AMOTL1: variants seen among roughly 807,000 people sequenced by gnomAD.
The protein encoded by AMOTL1 is angiomotin-like protein 1.
In AMOTL1, 45 loss-of-function variants were observed where a neutral mutation model predicts 102.9. The observed-to-expected ratio is 0.44, with a 90% confidence interval of 0.34 to 0.56. The LOEUF is 0.56. Among genes scored for constraint, AMOTL1 ranks in the 20% least tolerant of loss-of-function variants. The pLI, the probability that AMOTL1 is intolerant of heterozygous loss-of-function variation, is 0.01. For synonymous variants in AMOTL1, 481 were observed against 484.7 expected, an observed-to-expected ratio of 0.99 and a Z score of 0.10; for missense variants, 1,114 against 1,225.6, an observed-to-expected ratio of 0.91 and a Z score of 1.36.
intron 6 of AMOTL1, among the ~76,000 whole-genome samples, chr11:94,840,675 T>TACAC (rs1361728387): frequency 3.1e-5 from 4 of 128,200 alleles, no homozygotes; most frequent in Admixed American, 1.8e-4. Flanking sequence ...TATATATATA[T>TACAC]ATATATACAC....
intron 9 of AMOTL1, among the ~76,000 whole-genome samples, chr11:94,861,289 C>G (rs1223772290): frequency 1.3e-5 from 2 of 152,188 alleles, no homozygotes; most frequent in East Asian, 1.9e-4. Flanking sequence ...CACAGGGAAG[C>G]CTTTTGAAAC....
At chr11:94,859,146 G>A (rs1390979902) in intron 8 of AMOTL1, among the ~76,000 whole-genome samples, 1 of 152,146 alleles carries the variant, frequency 6.6e-6, no homozygotes, top group Non-Finnish European at 1.5e-5. Context: ...AGACCAGGAG[G>A]CCAAGACTTA....
At chr11:94,844,611 C>A (rs909933658) in intron 6 of AMOTL1, among the ~76,000 whole-genome samples, 1 of 152,188 alleles carries the variant, frequency 6.6e-6, no homozygotes, top group African/African-American at 2.4e-5. Flanking sequence ...AGAAGTGATC[C>A]CATGAGACAG....
At chr11:94,771,042 T>A (rs1274929427) in intron 1 of AMOTL1, among the ~76,000 whole-genome samples, 1 of 152,142 alleles carries the variant, frequency 6.6e-6, no homozygotes, top group Non-Finnish European at 1.5e-5. Flanking sequence ...CATTTCTTCA[T>A]AGTAATTTGT....
rs769262295 is a variant in AMOTL1 at position 94,799,700 on chromosome 11, G to A, written c.510G>A (p.Thr170=). The change falls in exon 3 of 13, where the codon ACG becomes ACA. Residue 170 remains threonine, a synonymous_variant. Coordinates refer to ENST00000433060, the MANE Select transcript of AMOTL1 (RefSeq NM_130847.3). This position sits in a 1 kb window ranked among gnomAD's most constrained non-coding sequence, Gnocchi z 4.5. ...GTCAAGAACACCAGGTGGACAATAC[G>A]GTGATGGAGAAACAGGTCCGGTCCA... ...PQGQEHQVDN[T]VMEKQVRSTQ... 3.5e-5 allele frequency: 57 copies of A among 1,613,798 alleles called. No individual in the cohort carries two copies. Among genetic ancestry groups the A allele is most frequent in the East Asian group, 4.5e-5 (2 of 44,890 alleles).
At chr11:94,774,465 A>T (rs887946074) in intron 1 of AMOTL1, among the ~76,000 whole-genome samples, 1 of 152,192 alleles carries the variant, frequency 6.6e-6, no homozygotes, top group Non-Finnish European at 1.5e-5. Flanking sequence ...GGCTGATGTC[A>T]CCAGGCCGTG....
At chr11:94,796,908 A>ATATTAATACATCTATATGTG in intron 2 of AMOTL1, 7 of 637,228 alleles carry the variant, frequency 1.1e-5, no homozygotes, top group Non-Finnish European at 1.4e-5. Flanking sequence ...ACATATATGT[A>ATATTAATACATCTATATGTG]TATATCTTGT....
rs981361845 is a variant in AMOTL1, at chr11:94,830,180, A to C, written c.1544A>C (p.Asn515Thr). The C allele has an allele frequency of 6.2e-7, 1 of 1,606,274 alleles. No homozygotes were observed. Among genetic ancestry groups the C allele is most frequent in the South Asian group, 1.1e-5 (1 of 88,712 alleles). The change falls in exon 5 of 13, where the codon AAC (asparagine) becomes ACC (threonine). Residue 515 changes from asparagine (N) to threonine (T), a missense_variant. Physicochemically the swap from Asn to Thr is moderately conservative, Grantham distance 65. Transcript: ENST00000433060. The part of the protein sequence containing the change: ...EGEIRRLHDF[N>T]RDLRDRLETA... ...GAGATTAGAAGACTTCATGATTTCA[A>C]CAGAGACCTCCGAGGCAGGTTTATT...
chr11:94,849,201 T>C (rs903858613), intron 6 of AMOTL1, among the ~76,000 whole-genome samples: 1 of 152,236 alleles, frequency 6.6e-6, no homozygotes, highest in African/African-American at 2.4e-5. Flanking sequence ...TATTTAATTT[T>C]AATGGATGCA....
intron 6 of AMOTL1, among the ~76,000 whole-genome samples, chr11:94,834,451 A>G (rs1364375782): frequency 1.3e-5 from 2 of 152,058 alleles, no homozygotes; most frequent in East Asian, 3.9e-4. Flanking sequence ...GCTGGGCGTG[A>G]TGGTGGGCGC....
chr11:94,799,283 T>C lies in AMOTL1; in HGVS notation c.200-107T>C, dbSNP rs763908959. 31 of 973,162 alleles carry C rather than the reference T, an allele frequency of 3.2e-5. No homozygotes were observed. Among genetic ancestry groups the C allele is most frequent in the Non-Finnish European group, 4.5e-5 (30 of 673,492 alleles). 60.3% of individuals were successfully genotyped at this position (973,162 alleles called of 1,614,324 possible). ...AGGTGATGATGCATTTGAAATCTTA[T>C]TTTTAAATGTTGCTGTAGTTAGAAT... On this transcript the variant is annotated intron_variant, in intron 2 of 12. Transcript: ENST00000433060. The surrounding 1 kb of genome is among the most constrained non-coding windows in gnomAD (Gnocchi z 4.5).
intron 4 of AMOTL1, among the ~76,000 whole-genome samples, chr11:94,823,712 A>C (rs1951911877): frequency 6.8e-6 from 1 of 148,080 alleles, no homozygotes; most frequent in Non-Finnish European, 1.5e-5. Context: ...CTTTTTATTA[A>C]CATGTACTTT....
chr11:94,872,800 A>G lies in AMOTL1; in HGVS notation c.*2005A>G, dbSNP rs955551868. 3 of 152,252 alleles carry G rather than the reference A, an allele frequency of 2.0e-5. No individual in the cohort carries two copies. Among genetic ancestry groups the G allele is most frequent in the African/African-American group, 7.2e-5 (3 of 41,440 alleles). 9.4% of individuals were successfully genotyped at this position (152,252 alleles called of 1,614,324 possible). On this transcript the variant is annotated 3_prime_UTR_variant, in exon 13 of 13. Transcript: ENST00000433060. ...TCACCCCATGCCATAGGGTGTGGGA[A>G]GAGGGCACAGGAGGCCTCATCCATG...
chr11:94,774,750 C>T (rs1951000177), intron 1 of AMOTL1, among the ~76,000 whole-genome samples: 2 of 152,162 alleles, frequency 1.3e-5, no homozygotes, highest in Admixed American at 6.5e-5. Context: ...ACTGGAAACA[C>T]ATGTTAAGAA....
chr11:94,792,996 G>T (rs535802832), intron 1 of AMOTL1, among the ~76,000 whole-genome samples: 2 of 152,056 alleles, frequency 1.3e-5, no homozygotes, highest in South Asian at 4.2e-4. Flanking sequence ...TTAGTGCTGG[G>T]ATCCATACTG....
At chr11:94,756,093 A>T (rs1950721440) in intron 3 of AMOTL1, among the ~76,000 whole-genome samples, 1 of 152,088 alleles carries the variant, frequency 6.6e-6, no homozygotes, top group African/African-American at 2.4e-5. Flanking sequence ...CTCTCCTCTG[A>T]CTGCCCCCAA....
intron 6 of AMOTL1, among the ~76,000 whole-genome samples, chr11:94,844,934 T>G (rs992030062): frequency 6.6e-6 from 1 of 152,204 alleles, no homozygotes; most frequent in African/African-American, 2.4e-5. Flanking sequence ...AGGGAAAAAC[T>G]TCTCAAAAAT....
At chr11:94,854,326 C>T (rs1333967986) in intron 8 of AMOTL1, among the ~76,000 whole-genome samples, 1 of 152,120 alleles carries the variant, frequency 6.6e-6, no homozygotes, top group East Asian at 1.9e-4. Flanking sequence ...GAGCGGAATG[C>T]AGCATTAGAT....
chr11:94,842,272 G>A (rs919860307), intron 6 of AMOTL1, among the ~76,000 whole-genome samples: 3 of 152,072 alleles, frequency 2.0e-5, no homozygotes, highest in African/African-American at 4.8e-5. Flanking sequence ...GGGTTTCGAC[G>A]CACCGTGAAG....
Sources: allele counts gnomAD v4.1 joint callset (sites outside exome capture counted in the v4.1 genomes callset), GRCh38; gene constraint gnomAD v4.1.1; non-coding constraint Gnocchi (gnomAD v3.1); transcripts MANE v1.5; gene names NCBI Gene and HGNC (gene_info 2026-07-23, HGNC 2026-07-21).